The following ARMC9 variants were observed in gnomAD, a reference collection of about 807,000 sequenced individuals.
ARMC9 encodes lisH domain-containing protein ARMC9.
In ARMC9, 94 loss-of-function variants were observed where a neutral mutation model predicts 107.0. The observed-to-expected ratio is 0.88, with a 90% CI of 0.74 to 1.04. The LOEUF (loss-of-function observed/expected upper bound fraction) is 1.04, where lower values mean the gene tolerates loss of function less well. ARMC9 is among the 50% of genes least tolerant of loss of function. The probability of loss-of-function intolerance (pLI) is 0.00; values close to 1 mark genes in which losing one functional copy is unlikely to be tolerated. For synonymous variants in ARMC9, 380 were observed against 396.9 expected, an observed-to-expected ratio of 0.96 and a Z score of 0.51; for missense variants, 942 against 1,030.1, an observed-to-expected ratio of 0.91 and a Z score of 1.17.
At chr2:231,267,427 C>T (rs566656649) in intron 12 of ARMC9, among the ~76,000 whole-genome samples, 35 of 152,200 alleles carry the variant, frequency 2.3e-4, no homozygotes, top group Non-Finnish European at 3.2e-4. Flanking sequence ...GATGGGGTTT[C>T]GCCATGTTGG....
At position 231,255,279 on chromosome 2, in the gene ARMC9, T is replaced by C. The variant is rs538172436; in HGVS notation, c.880-1307T>C. On this transcript the variant is annotated intron_variant, in intron 9 of 24. Transcript: ENST00000611582. This position sits in a 1 kb window ranked among gnomAD's most constrained non-coding sequence, Gnocchi z 4.7. ...GTGATGATTTTGCCTATGGACAGGA[T>C]CAGGATTAAAAGAGAGTGGGGTGGA... Among the ~76,000 whole-genome samples the C allele has an allele frequency of 1.8e-4, 28 of 151,474 alleles. No homozygotes were observed. The South Asian group carries it at 4.4e-3, about 24-fold the overall frequency.
chr2:231,323,483 T>C (rs886757668), intron 19 of ARMC9, among the ~76,000 whole-genome samples: 2 of 152,192 alleles, frequency 1.3e-5, no homozygotes, highest in Non-Finnish European at 2.9e-5. Flanking sequence ...TGAATGAAGC[T>C]CTGGCTTCTT....
chr2:231,277,714 C>A (rs2039886286), intron 15 of ARMC9, among the ~76,000 whole-genome samples: 1 of 151,958 alleles, frequency 6.6e-6, no homozygotes, highest in Non-Finnish European at 1.5e-5. Context: ...AGGTGCCCAC[C>A]ACCACACCTG....
chr2:231,202,000 T>C (rs2031078234), intron 1 of ARMC9, among the ~76,000 whole-genome samples: 1 of 126,840 alleles, frequency 7.9e-6, no homozygotes, highest in South Asian at 2.4e-4. Flanking sequence ...TTTTTCTTTC[T>C]TTCTTTTTTT....
chr2:231,354,188 T>C (rs900129837), intron 21 of ARMC9, among the ~76,000 whole-genome samples: 1 of 149,518 alleles, frequency 6.7e-6, no homozygotes, highest in Non-Finnish European at 1.5e-5. Flanking sequence ...TCCTAGGACT[T>C]TGGGAGGCCA....
intron 19 of ARMC9, among the ~76,000 whole-genome samples, chr2:231,300,892 A>C (rs948968049): frequency 1.3e-5 from 2 of 152,146 alleles, no homozygotes; most frequent in African/African-American, 4.8e-5. Context: ...AAGTGAGATG[A>C]GTTGAGGAAG....
intron 3 of ARMC9, among the ~76,000 whole-genome samples, chr2:231,210,654 T>C (rs1413624859): frequency 6.6e-6 from 1 of 152,240 alleles, no homozygotes; most frequent in Non-Finnish European, 1.5e-5. Context: ...TATCGGTCCC[T>C]CCAGAGGTGG....
At chr2:231,282,219 C>G (rs1184518378) in intron 17 of ARMC9, 86 bp downstream of exon 17, 1 of 1,374,438 alleles carries the variant, frequency 7.3e-7, no homozygotes, top group Non-Finnish European at 1.0e-6. Context: ...TGATTGGGCT[C>G]CATAGAAAGG....
At chr2:231,257,768 C>T (rs888742409) in intron 10 of ARMC9, among the ~76,000 whole-genome samples, 12 of 152,120 alleles carry the variant, frequency 7.9e-5, no homozygotes, top group Admixed American at 2.6e-4. Context: ...TAGCATTTGG[C>T]ATAATACTGT....
At chr2:231,226,416 G>T (rs1390770992) in intron 6 of ARMC9, among the ~76,000 whole-genome samples, 2 of 152,166 alleles carry the variant, frequency 1.3e-5, no homozygotes, top group Non-Finnish European at 2.9e-5. Context: ...TGAAGTTAGA[G>T]TTGAATTATG....
intron 20 of ARMC9, among the ~76,000 whole-genome samples, chr2:231,341,221 G>A (rs886556242): frequency 4.6e-5 from 7 of 152,198 alleles, no homozygotes; most frequent in African/African-American, 1.7e-4. Context: ...AAATGACCAT[G>A]TGACACATTA....
chr2:231,225,451 A>G (rs190022410), intron 6 of ARMC9, among the ~76,000 whole-genome samples: 8 of 152,370 alleles, frequency 5.3e-5, no homozygotes, highest in East Asian at 3.9e-4. Flanking sequence ...AAAAAAATGC[A>G]AACAACTCAA....
intron 23 of ARMC9, among the ~76,000 whole-genome samples, chr2:231,364,992 G>T (rs2045752845): frequency 6.6e-6 from 1 of 152,202 alleles, no homozygotes; most frequent in East Asian, 1.9e-4. Flanking sequence ...AGTGGGAGGT[G>T]GGGTGGACGG....
At chr2:231,361,658 CT>C (rs1189729905) in intron 23 of ARMC9, among the ~76,000 whole-genome samples, 1 of 152,134 alleles carries the variant, frequency 6.6e-6, no homozygotes, top group Non-Finnish European at 1.5e-5. Flanking sequence ...GGAGAGGGGC[CT>C]GGCCTGGGTC....
intron 14 of ARMC9, among the ~76,000 whole-genome samples, chr2:231,274,130 G>A (rs1464455958): frequency 2.0e-5 from 3 of 152,072 alleles, no homozygotes; most frequent in African/African-American, 7.2e-5. Flanking sequence ...TTGTTTGTTT[G>A]TTTTTGAGAT....
chr2:231,203,740 A>G (rs565064842), intron 1 of ARMC9, among the ~76,000 whole-genome samples: 201 of 152,262 alleles, frequency 1.3e-3, no homozygotes, highest in African/African-American at 4.4e-3. Context: ...CAGGTGGATC[A>G]CCTGAGGTCA....
At chr2:231,316,077 C>T (rs1462756266) in intron 19 of ARMC9, among the ~76,000 whole-genome samples, 3 of 151,792 alleles carry the variant, frequency 2.0e-5, no homozygotes, top group African/African-American at 7.3e-5. Context: ...CTCTTGTTGC[C>T]ATATTTGCTA....
intron 19 of ARMC9, among the ~76,000 whole-genome samples, chr2:231,299,733 G>A (rs2041607989): frequency 6.6e-6 from 1 of 152,168 alleles, no homozygotes; most frequent in East Asian, 1.9e-4. Flanking sequence ...AGGGAGAGCT[G>A]GAACATTCAA....
intron 9 of ARMC9, among the ~76,000 whole-genome samples, chr2:231,248,666 G>A (rs943381353): frequency 6.6e-6 from 1 of 151,948 alleles, no homozygotes; most frequent in Non-Finnish European, 1.5e-5. Flanking sequence ...AATTAGCCAG[G>A]CGTGGTGGCG....
Sources: gnomAD v4.1 joint callset for allele counts (sites outside exome capture counted in the v4.1 genomes callset) on GRCh38, gnomAD v4.1.1 for gene constraint, Gnocchi (gnomAD v3.1) non-coding constraint, MANE v1.5 for transcripts, NCBI Gene and HGNC (gene_info 2026-07-23, HGNC 2026-07-21) for gene names.